The following TBCD variants were observed in gnomAD, a reference collection of about 807,000 sequenced individuals.
The protein encoded by TBCD is tubulin folding cofactor D.
Under a neutral mutation model 169.3 loss-of-function variants are expected in TBCD, and 105 were observed. The observed-to-expected ratio is 0.62, with a 90% confidence interval of 0.53 to 0.73. TBCD has a LOEUF of 0.73. TBCD is among the 30% of genes least tolerant of loss of function. The pLI is 0.00. For synonymous variants in TBCD, 700 were observed against 643.9 expected (o/e 1.09, Z -1.32); for missense variants, 1,444 against 1,600.1 (o/e 0.90, Z 1.66).
chr17:82,935,622 A>G (rs993220142), intron 34 of TBCD, among the ~76,000 whole-genome samples: 8 of 152,190 alleles, frequency 5.3e-5, no homozygotes, highest in African/African-American at 1.9e-4. Flanking sequence ...ATTCTTAGCG[A>G]AGTCCAGTTT....
chr17:82,930,562 G>A lies in TBCD; in HGVS notation c.3032G>A (p.Gly1011Asp). The A allele has an allele frequency of 6.2e-7, 1 of 1,613,828 alleles. No homozygotes were observed. Residue 1011 changes from glycine (G) to aspartate (D), a missense_variant, in exon 33 of 39, where the codon GGC becomes GAC. Physicochemically the swap from Gly to Asp is moderately conservative, Grantham distance 94 (BLOSUM62 -1). Coordinates refer to ENST00000355528, the MANE Select transcript of TBCD (RefSeq NM_005993.5). This position sits in a 1 kb window ranked among gnomAD's most constrained non-coding sequence, Gnocchi z 5.2. ...STQSLFEYMK[G>D]IQSDPQALGS... is the part of the protein sequence containing the mutation. ...CAGAGCCTCTTTGAGTACATGAAGG[G>A]CATTCAGAGCGACCCGCAGGCCCTG...
chr17:82,900,784 G>T (rs2059836850), intron 18 of TBCD, 53 bp downstream of exon 18: 1 of 1,376,838 alleles, frequency 7.3e-7, no homozygotes, highest in Admixed American at 1.7e-5. Context: ...CCAAAGGAGA[G>T]ATTCAGTTGA....
chr17:82,798,855 A>G (rs766240780), intron 8 of TBCD, among the ~76,000 whole-genome samples: 1 of 151,722 alleles, frequency 6.6e-6, no homozygotes, highest in Admixed American at 6.6e-5. Flanking sequence ...CCATCCTCCC[A>G]CCTCAGCCCC....
intron 12 of TBCD, among the ~76,000 whole-genome samples, chr17:82,810,469 C>T (rs773127133): frequency 3.5e-4 from 54 of 152,286 alleles, no homozygotes; most frequent in Non-Finnish European, 5.4e-4. Context: ...TAGACAGCCA[C>T]GTGTGCTGTG....
rs2061815208 is a variant in TBCD at position 82,927,008 on chromosome 17, G to A, written c.2472-178G>A. The A allele has an allele frequency of 1.1e-5, 10 of 869,680 alleles. No homozygotes were observed. In the South Asian group the frequency reaches 1.8e-4, roughly 16 times the overall value. The allele number at this position is 869,680 out of a possible 1,614,324, so 53.9% of individuals were successfully genotyped here. ...GAGAGACGGCAGAGCGTGACCTCGG[G>A]GAAGCACGTCCCACGTTCCATACAT... On this transcript the variant is annotated intron_variant, in intron 28 of 38. Transcript: ENST00000355528.
chr17:82,930,327 T>G lies in TBCD; in HGVS notation c.2992-195T>G. On this transcript the variant is annotated intron_variant, in intron 32 of 38. Transcript: ENST00000355528. The surrounding 1 kb of genome is among the most constrained non-coding windows in gnomAD (Gnocchi z 5.2). ...GCTGAGCTGCCGTTGCCGAGAGCCT[T>G]GTGTCTGCTTCGGGTGTCTGCACTG... 1.5e-6 allele frequency: 1 copy of G among 688,950 alleles called. No individual in the cohort carries two copies. The highest frequency in any genetic ancestry group is 2.1e-5 in the South Asian group (1 of 48,220). The allele number at this position is 688,950 out of a possible 1,614,324, so 42.7% of individuals were successfully genotyped here.
Position 82,942,827 on chromosome 17 carries a change from G to A in TBCD, c.*364G>A, listed in dbSNP as rs2063429048. 1.3e-5 allele frequency: 5 copies of A among 371,896 alleles called. No individual in the cohort carries two copies. The South Asian group carries it at 1.7e-4, about 13-fold the overall frequency. The allele number at this position is 371,896 out of a possible 1,614,324, so 23.0% of individuals were successfully genotyped here. The stretch of plus-strand genomic sequence containing the variant: ...TGCCTGGAGACCAGGCCCCCTTCTT[G>A]CCTGGTGCTGTCCCTGCTGTGGGAG... On this transcript the variant is annotated 3_prime_UTR_variant, in exon 39 of 39. Transcript: ENST00000355528.
intron 7 of TBCD, 120 bp from the exon 8 acceptor site, chr17:82,797,618 CTGTTTTCTTTATTATTAGG>C: frequency 3.0e-6 from 2 of 660,546 alleles, no homozygotes; most frequent in Non-Finnish European, 5.1e-6. Flanking sequence ...TGTACAGAAA[CTGTTTTCTTTATTATTAGG>C]TGGTGAGTGT....
chr17:82,758,906 C>T (rs2047600762), intron 2 of TBCD, among the ~76,000 whole-genome samples: 1 of 152,088 alleles, frequency 6.6e-6, no homozygotes, highest in Admixed American at 6.5e-5. Context: ...ACGTGATCTG[C>T]CCACCTTGGT....
chr17:82,837,430 G>T (rs1688588233), intron 13 of TBCD, among the ~76,000 whole-genome samples: 1 of 152,208 alleles, frequency 6.6e-6, no homozygotes, highest in African/African-American at 2.4e-5. Context: ...CAGTAATTTG[G>T]ATTTGTATTT....
Position 82,915,201 on chromosome 17 carries a change from C to T in TBCD, c.2038+3412C>T, listed in dbSNP as rs906483305. On this transcript the variant is annotated intron_variant, in intron 23 of 38. Transcript: ENST00000355528. The surrounding 1 kb of genome is among the most constrained non-coding windows in gnomAD (Gnocchi z 4.3). ...AGGATGGCGCCCTTACCCCCGAGGA[C>T]GCCGGCATGTCGGTGACATGCCGCC... Among the ~76,000 whole-genome samples the T allele has an allele frequency of 2.0e-5, 3 of 152,146 alleles. No individual in the cohort carries two copies. Among genetic ancestry groups the T allele is most frequent in the Admixed American group, 6.5e-5 (1 of 15,282 alleles).
At chr17:82,907,650 G>C (rs2085616) in intron 20 of TBCD, 111 bp from the exon 21 acceptor site, 1 of 1,191,230 alleles carries the variant, frequency 8.4e-7, no homozygotes, top group African/African-American at 1.5e-5. Context: ...ATGCTCCTCC[G>C]AGTGTACTTG....
intron 11 of TBCD, among the ~76,000 whole-genome samples, chr17:82,809,425 C>T (rs896063813): frequency 3.9e-5 from 6 of 152,168 alleles, no homozygotes; most frequent in South Asian, 4.1e-4. Flanking sequence ...TACCCTCAGC[C>T]GTCACTGGTG....
In TBCD at chr17:82,939,377, C is replaced by A. The variant is rs1385408684; in HGVS notation, c.3380C>A (p.Thr1127Asn). Reference sequence around the variant, plus strand: ...GCATCCCTGTCCCAGATCCGGAAGACCACGGCCAGCCAGGTGTACGAGACA... The same window carrying A: ...GCATCCCTGTCCCAGATCCGGAAGAACACGGCCAGCCAGGTGTACGAGACA... ...LCHRFPLIRK[T>N]TASQVYETLL... The change falls in exon 37 of 39, where the codon ACC becomes AAC. Residue 1127 changes from threonine (T) to asparagine (N), a missense_variant. Coordinates refer to ENST00000355528, the MANE Select transcript of TBCD (RefSeq NM_005993.5). 6.8e-6 allele frequency: 11 copies of A among 1,612,016 alleles called. No individual in the cohort carries two copies. Among genetic ancestry groups the A allele is most frequent in the Non-Finnish European group, 9.3e-6 (11 of 1,179,530 alleles).
chr17:82,863,586 G>A (rs116347721), intron 13 of TBCD, among the ~76,000 whole-genome samples: 1,855 of 152,310 alleles, frequency 0.012, 52 homozygotes, highest in African/African-American at 0.042. Context: ...GAGGGTGCTG[G>A]TTGAGGGGTT....
At chr17:82,807,200 G>C (rs866559504) in intron 10 of TBCD, among the ~76,000 whole-genome samples, 1 of 152,222 alleles carries the variant, frequency 6.6e-6, no homozygotes, top group Non-Finnish European at 1.5e-5. Context: ...TCAGCCTGCC[G>C]CCAAGGCCTG....
At chr17:82,857,453 TTAATG>T (rs1182054658) in intron 13 of TBCD, among the ~76,000 whole-genome samples, 2 of 152,232 alleles carry the variant, frequency 1.3e-5, no homozygotes, top group African/African-American at 2.4e-5. Flanking sequence ...TGTGTCGTGT[TTAATG>T]TAAACATTTC....
At chr17:82,762,408 C>T (rs998846784) in intron 2 of TBCD, among the ~76,000 whole-genome samples, 4 of 150,958 alleles carry the variant, frequency 2.6e-5, no homozygotes, top group African/African-American at 9.8e-5. Context: ...TGGGAAAATA[C>T]GCATGTGTGG....
intron 17 of TBCD, 139 bp from the exon 18 acceptor site, chr17:82,900,512 G>A: frequency 1.5e-6 from 1 of 677,718 alleles, no homozygotes; most frequent in Non-Finnish European, 2.7e-6. Flanking sequence ...AACTGCTCAG[G>A]AGGGAATGGC....
Sources: allele counts gnomAD v4.1 joint callset (sites outside exome capture counted in the v4.1 genomes callset), GRCh38; gene constraint gnomAD v4.1.1; non-coding constraint Gnocchi (gnomAD v3.1); transcripts MANE v1.5; gene names NCBI Gene and HGNC (gene_info 2026-07-23, HGNC 2026-07-21).